The following HSPA4 variants were observed in gnomAD, a reference collection of about 807,000 sequenced individuals.
The protein encoded by HSPA4 is heat shock 70 kDa protein 4.
Under a neutral mutation model 106.2 loss-of-function variants are expected in HSPA4, and 25 were observed. The ratio of observed to expected loss-of-function variants is 0.24; its 90% confidence interval spans 0.17 to 0.33. HSPA4 has a LOEUF of 0.33. Among genes scored for constraint, HSPA4 ranks in the 10% least tolerant of loss-of-function variants. The pLI, the probability that HSPA4 is intolerant of heterozygous loss-of-function variation, is 1.00. For synonymous variants in HSPA4, 332 were observed against 333.6 expected, an observed-to-expected ratio of 1.00 and a Z score of 0.05; for missense variants, 841 against 996.0, an observed-to-expected ratio of 0.84 and a Z score of 2.10.
At chr5:133,092,646 A>G (rs1765660003) in intron 12 of HSPA4, 54 bp from the exon 13 acceptor site, 1 of 1,138,022 alleles carries the variant, frequency 8.8e-7, no homozygotes, top group African/African-American at 1.5e-5. Flanking sequence ...TCAATGTGTA[A>G]TGAAGGTTGT....
At chr5:133,081,234 G>C (rs1765511212) in intron 7 of HSPA4, among the ~76,000 whole-genome samples, 1 of 152,194 alleles carries the variant, frequency 6.6e-6, no homozygotes, top group Non-Finnish European at 1.5e-5. Context: ...TTTTAGTAGA[G>C]ATGGGGTTTC....
intron 1 of HSPA4, among the ~76,000 whole-genome samples, chr5:133,055,399 GTTTGT>G (rs1199454786): frequency 2.8e-5 from 4 of 143,176 alleles, no homozygotes; most frequent in Non-Finnish European, 6.0e-5. Flanking sequence ...CATGTTGTGG[GTTTGT>G]TTTAACATGA....
chr5:133,084,472 A>G (rs952921776), intron 7 of HSPA4, among the ~76,000 whole-genome samples: 1 of 151,900 alleles, frequency 6.6e-6, no homozygotes, highest in Non-Finnish European at 1.5e-5. Flanking sequence ...TCTATACTTT[A>G]CTATTCTTTT....
intron 9 of HSPA4, 112 bp downstream of exon 9, chr5:133,088,667 G>C: frequency 1.2e-6 from 1 of 848,432 alleles, no homozygotes; most frequent in Non-Finnish European, 1.9e-6. Flanking sequence ...AGGGTGTTGA[G>C]ATTCCAAAAC....
At chr5:133,087,158 TTA>T (rs1281590875) in intron 8 of HSPA4, among the ~76,000 whole-genome samples, 1 of 152,222 alleles carries the variant, frequency 6.6e-6, no homozygotes, top group Non-Finnish European at 1.5e-5. Context: ...TATGGTAGTC[TTA>T]TAAGCTTTTC....
At chr5:133,094,588 T>A (rs1171485376) in intron 13 of HSPA4, among the ~76,000 whole-genome samples, 1 of 152,172 alleles carries the variant, frequency 6.6e-6, no homozygotes, top group Non-Finnish European at 1.5e-5. Flanking sequence ...CTTGTTCTCC[T>A]ATATGTTTGT....
chr5:133,085,773 TGAATAGTTGGAGC>T (rs1487608048), intron 7 of HSPA4, among the ~76,000 whole-genome samples: 2 of 151,146 alleles, frequency 1.3e-5, no homozygotes, highest in East Asian at 3.9e-4. Flanking sequence ...CAGGGAGGGA[TGAATAGTTGGAGC>T]ACAGGGAAGG....
At chr5:133,061,386 T>G (rs1396687390) in intron 1 of HSPA4, among the ~76,000 whole-genome samples, 2 of 151,970 alleles carry the variant, frequency 1.3e-5, no homozygotes, top group Non-Finnish European at 2.9e-5. Flanking sequence ...CCTCCCAAAG[T>G]GCTGGGATTA....
intron 7 of HSPA4, among the ~76,000 whole-genome samples, chr5:133,084,671 T>C (rs560146924): frequency 3.7e-4 from 56 of 152,074 alleles, no homozygotes; most frequent in African/African-American, 1.3e-3. Flanking sequence ...GCTTTCTCCA[T>C]GTTGGTCAGG....
chr5:133,104,726 G>T lies in HSPA4; in HGVS notation c.*290G>T, dbSNP rs1051923161. ...TTTAACCATGTGTCTACAAGAATAAGTTTGTTTTGGAAAGTTGAGCTATAG... is the reference window on the plus strand; with the variant it reads ...TTTAACCATGTGTCTACAAGAATAATTTTGTTTTGGAAAGTTGAGCTATAG... On this transcript the variant is annotated 3_prime_UTR_variant, in exon 19 of 19. Coordinates refer to ENST00000304858, the MANE Select transcript of HSPA4 (RefSeq NM_002154.4). 1.0e-5 allele frequency: 3 copies of T among 296,744 alleles called. No homozygotes were observed. Among genetic ancestry groups the T allele is most frequent in the African/African-American group, 6.7e-5 (3 of 45,044 alleles). The allele number at this position is 296,744 out of a possible 1,614,324, so 18.4% of individuals were successfully genotyped here.
intron 8 of HSPA4, 115 bp from the exon 9 acceptor site, chr5:133,088,289 G>T (rs376456754): frequency 5.6e-5 from 39 of 691,346 alleles, no homozygotes; most frequent in African/African-American, 5.0e-4. Context: ...GTGTGTTGCG[G>T]AGGTGGGTGA....
At chr5:133,075,157 G>A (rs549733173) in intron 6 of HSPA4, among the ~76,000 whole-genome samples, 28 of 152,294 alleles carry the variant, frequency 1.8e-4, no homozygotes, top group African/African-American at 6.5e-4. Context: ...TAAATAAAAA[G>A]AAAGCGAGTC....
At chr5:133,080,843 T>A (rs2126706430) in intron 7 of HSPA4, among the ~76,000 whole-genome samples, 1 of 152,298 alleles carries the variant, frequency 6.6e-6, no homozygotes, top group South Asian at 2.1e-4. Context: ...ATTTCCTGTA[T>A]CACTTTTATT....
chr5:133,086,687 G>C (rs371766620), intron 7 of HSPA4, 95 bp from the exon 8 acceptor site: 1 of 836,276 alleles, frequency 1.2e-6, no homozygotes, highest in South Asian at 1.4e-5. Context: ...GCCAGCACTT[G>C]TTGTTACCTG....
At chr5:133,101,179 A>G (rs1216202270) in intron 16 of HSPA4, among the ~76,000 whole-genome samples, 1 of 152,190 alleles carries the variant, frequency 6.6e-6, no homozygotes, top group African/African-American at 2.4e-5. Flanking sequence ...TTTTGTTTGA[A>G]TCAGTATCCG....
chr5:133,067,667 T>A (rs6596099), intron 3 of HSPA4, 110 bp downstream of exon 3: 276,049 of 961,664 alleles, frequency 0.29, 43,841 homozygotes, highest in African/African-American at 0.61. Context: ...ATGCTTACAG[T>A]TGCTTAGGGA....
In HSPA4 at chr5:133,097,103, T is replaced by C. The variant is rs187384867; in HGVS notation, c.1804-58T>C. The C allele has an allele frequency of 1.8e-3, 2,498 of 1,360,728 alleles. 21 individuals are homozygous for C. Among genetic ancestry groups the C allele is most frequent in the Non-Finnish European group, 1.7e-3 (1,649 of 965,680 alleles). 84.3% of individuals were successfully genotyped at this position (1,360,728 alleles called of 1,614,324 possible). A position where few individuals can be genotyped will look rare whatever the true frequency, so the allele number is the denominator to read the frequency against. On this transcript the variant is annotated intron_variant, in intron 14 of 18. Transcript: ENST00000304858. ...GTCTCTACTTTTATAATTATATTGG[T>C]ATTTAAGAGGAAATTAGTTGTCCTA...
intron 1 of HSPA4, among the ~76,000 whole-genome samples, chr5:133,061,908 A>C (rs896930338): frequency 1.3e-5 from 2 of 152,236 alleles, no homozygotes; most frequent in Non-Finnish European, 2.9e-5. Flanking sequence ...TGCTGGGATT[A>C]CAGACGTGAG....
At chr5:133,072,430 G>A (rs1014587865) in intron 4 of HSPA4, among the ~76,000 whole-genome samples, 9 of 115,236 alleles carry the variant, frequency 7.8e-5, no homozygotes, top group South Asian at 2.7e-4. Context: ...ACTGAGTTTC[G>A]CTCTTGTTTC....
Sources: allele counts gnomAD v4.1 joint callset (sites outside exome capture counted in the v4.1 genomes callset), GRCh38; gene constraint gnomAD v4.1.1; transcripts MANE v1.5; gene names NCBI Gene and HGNC (gene_info 2026-07-23, HGNC 2026-07-21).